Variants in TRAPPC9 observed in about 807,000 individuals in gnomAD.
TRAPPC9 encodes trafficking protein particle complex subunit 9.
Under a neutral mutation model 124.0 loss-of-function variants are expected in TRAPPC9, and 83 were observed. The observed-to-expected ratio is 0.67, with a 90% CI of 0.56 to 0.80. The LOEUF (loss-of-function observed/expected upper bound fraction) is 0.80. Among genes scored for constraint, TRAPPC9 ranks in the 30% least tolerant of loss-of-function variants. TRAPPC9 has a pLI of 0.00. For synonymous variants in TRAPPC9, 638 were observed against 617.5 expected, an observed-to-expected ratio of 1.03 and a Z score of -0.49; for missense variants, 1,302 against 1,508.3, an observed-to-expected ratio of 0.86 and a Z score of 2.27.
At chr8:140,284,099 G>T in intron 13 of TRAPPC9, 78 bp from the exon 14 acceptor site, 1 of 1,590,634 alleles carries the variant, frequency 6.3e-7, no homozygotes, top group South Asian at 1.1e-5. Context: ...AGTGCGAAGA[G>T]TACGGGGCTC....
rs998729168 is a variant in TRAPPC9 at position 140,131,962 on chromosome 8, T to C, written c.2556+89497A>G. On this transcript the variant is annotated intron_variant, in intron 17 of 22. Coordinates refer to ENST00000438773, the MANE Select transcript of TRAPPC9 (RefSeq NM_001160372.4). ...TCCCTGCACCTTACTGGATGCAGCA[T>C]GAACTTTCACAGTCGGCCCCCCAAT... 8.5e-5 allele frequency among the ~76,000 whole-genome samples: 13 copies of C among 152,204 alleles called. No homozygotes were observed. In the East Asian group the frequency reaches 2.5e-3, roughly 29 times the overall value.
Position 140,403,415 on chromosome 8 carries a change from C to T in TRAPPC9, c.1008+2162G>A, listed in dbSNP as rs529879640. ...CTACACTCGAGCCTGGGCAACAGAG[C>T]GAGACTCTGTCTCCATAAAAAAAAA... On this transcript the variant is annotated intron_variant, in intron 6 of 22. Transcript: ENST00000438773. Among the ~76,000 whole-genome samples the T allele has an allele frequency of 1.0e-3, 152 of 149,532 alleles. 1 individual carries two copies. The highest frequency in any genetic ancestry group is 3.7e-3 in the African/African-American group (149 of 40,692).
Position 140,076,467 on chromosome 8 carries a change from T to C in TRAPPC9, c.2557-52388A>G, listed in dbSNP as rs140044772. 5.2e-3 allele frequency among the ~76,000 whole-genome samples: 788 copies of C among 152,200 alleles called. 9 individuals carry two copies. Among genetic ancestry groups the C allele is most frequent in the African/African-American group, 0.018 (752 of 41,518 alleles). On this transcript the variant is annotated intron_variant, in intron 17 of 22. Coordinates refer to ENST00000438773, the MANE Select transcript of TRAPPC9 (RefSeq NM_001160372.4). ...TGAAAAAGCCAGGATCTAGCTAGGA[T>C]CAAACATCAAAGAAAGTGAGGTCAA... is the stretch of plus-strand genomic sequence containing the variant.
intron 18 of TRAPPC9, among the ~76,000 whole-genome samples, chr8:139,993,605 A>G (rs1837778467): frequency 6.6e-6 from 1 of 152,224 alleles, no homozygotes; most frequent in Non-Finnish European, 1.5e-5. Flanking sequence ...AACATCATTT[A>G]TAAAAGTAAA....
chr8:139,766,103 C>A (rs1820567776), intron 21 of TRAPPC9, among the ~76,000 whole-genome samples: 1 of 152,250 alleles, frequency 6.6e-6, no homozygotes, highest in African/African-American at 2.4e-5. Flanking sequence ...TATTCCAAGG[C>A]CTCAGGGAAC....
At chr8:140,221,135 C>T (rs949721570) in intron 17 of TRAPPC9, among the ~76,000 whole-genome samples, 4 of 152,134 alleles carry the variant, frequency 2.6e-5, no homozygotes, top group African/African-American at 7.2e-5. Context: ...GGTAAACATC[C>T]GAACTGAGGT....
intron 17 of TRAPPC9, among the ~76,000 whole-genome samples, chr8:140,106,395 C>T (rs1218799855): frequency 6.6e-6 from 1 of 152,186 alleles, no homozygotes; most frequent in African/African-American, 2.4e-5. Context: ...AGACAAGATG[C>T]CTGAGAGGGG....
intron 9 of TRAPPC9, among the ~76,000 whole-genome samples, chr8:140,358,694 A>T (rs2067830582): frequency 6.6e-6 from 1 of 152,216 alleles, no homozygotes; most frequent in Non-Finnish European, 1.5e-5. Flanking sequence ...GTGCCAGGAC[A>T]TGAGACTGAG....
chr8:140,226,759 A>G (rs2131350988), intron 16 of TRAPPC9, among the ~76,000 whole-genome samples: 1 of 152,146 alleles, frequency 6.6e-6, no homozygotes, highest in South Asian at 2.1e-4. Flanking sequence ...CAACTAAAAA[A>G]CTCAATGAGA....
intron 17 of TRAPPC9, among the ~76,000 whole-genome samples, chr8:140,173,054 C>T (rs1279975248): frequency 6.6e-6 from 1 of 152,208 alleles, no homozygotes; most frequent in African/African-American, 2.4e-5. Flanking sequence ...GAGACAGACA[C>T]TGAGAAGATA....
chr8:139,841,441 G>A (rs557782059), intron 21 of TRAPPC9, among the ~76,000 whole-genome samples: 1 of 152,202 alleles, frequency 6.6e-6, no homozygotes, highest in South Asian at 2.1e-4. Context: ...TCACTGCTGC[G>A]CTGTTTCTTC....
At chr8:140,334,603 T>C (rs980599997) in intron 9 of TRAPPC9, among the ~76,000 whole-genome samples, 4 of 151,982 alleles carry the variant, frequency 2.6e-5, no homozygotes, top group African/African-American at 4.8e-5. Flanking sequence ...TGAGCCGAGA[T>C]CGTGCCATTG....
chr8:140,418,169 C>A (rs893737970), intron 5 of TRAPPC9, among the ~76,000 whole-genome samples: 2 of 152,018 alleles, frequency 1.3e-5, no homozygotes, highest in Non-Finnish European at 2.9e-5. Context: ...ATATAACAAA[C>A]CTGCACATTC....
chr8:140,434,008 A>G (rs184042998), intron 4 of TRAPPC9, among the ~76,000 whole-genome samples: 86 of 152,316 alleles, frequency 5.6e-4, no homozygotes, highest in Non-Finnish European at 1.1e-3. Context: ...TTTGCATAGA[A>G]GCATAACTTT....
intron 17 of TRAPPC9, among the ~76,000 whole-genome samples, chr8:140,168,739 C>G (rs533509395): frequency 3.9e-5 from 6 of 152,204 alleles, no homozygotes; most frequent in Non-Finnish European, 5.9e-5. Context: ...TCCAGGGGAA[C>G]AGGCCTGGGG....
intron 21 of TRAPPC9, among the ~76,000 whole-genome samples, chr8:139,808,006 T>A (rs1475584084): frequency 6.6e-6 from 1 of 152,062 alleles, no homozygotes; most frequent in Admixed American, 6.5e-5. Context: ...CAGGTGTGTA[T>A]CTTGTTGACC....
intron 9 of TRAPPC9, among the ~76,000 whole-genome samples, chr8:140,312,464 A>T (rs780794498): frequency 5.9e-5 from 9 of 152,220 alleles, no homozygotes; most frequent in Non-Finnish European, 1.2e-4. Flanking sequence ...TGCCTATATC[A>T]GGAATTACTA....
In TRAPPC9 at chr8:140,051,384, T is replaced by C. The variant is rs80211577; in HGVS notation, c.2557-27305A>G. Among the ~76,000 whole-genome samples the C allele has an allele frequency of 5.7e-3, 866 of 152,282 alleles. 13 individuals carry two copies. Among genetic ancestry groups the C allele is most frequent in the African/African-American group, 0.02 (828 of 41,554 alleles). On this transcript the variant is annotated intron_variant, in intron 17 of 22. Transcript: ENST00000438773. Reference sequence around the variant, plus strand: ...GTCGGTCATTTTTCACATGGGTGTATCTGAACCCTCAACCCTGGATTCAGA... The same window carrying C: ...GTCGGTCATTTTTCACATGGGTGTACCTGAACCCTCAACCCTGGATTCAGA...
chr8:140,004,078 G>A (rs1001432112), intron 18 of TRAPPC9, among the ~76,000 whole-genome samples: 1 of 152,074 alleles, frequency 6.6e-6, no homozygotes, highest in Admixed American at 6.5e-5. Context: ...CAGAATCAAA[G>A]AAGCCACTCC....
Sources: gnomAD v4.1 joint callset for allele counts (sites outside exome capture counted in the v4.1 genomes callset) on GRCh38, gnomAD v4.1.1 for gene constraint, MANE v1.5 for transcripts, NCBI Gene and HGNC (gene_info 2026-07-23, HGNC 2026-07-21) for gene names.